MARCHF11: variants seen among roughly 807,000 people sequenced by gnomAD.
The protein encoded by MARCHF11 is membrane associated ring-CH-type finger 11, also known as E3 ubiquitin-protein ligase MARCHF11.
Under a neutral mutation model 37.3 loss-of-function variants are expected in MARCHF11, and 29 were observed. The observed-to-expected ratio is 0.78, with a 90% CI of 0.58 to 1.06. The LOEUF is 1.06. Among genes scored for constraint, MARCHF11 ranks in the 50% least tolerant of loss-of-function variants. The probability of loss-of-function intolerance (pLI) is 0.00; values close to 1 mark genes in which losing one functional copy is unlikely to be tolerated. For missense variants in MARCHF11, 482 were observed against 533.4 expected (o/e 0.90, Z 0.95); for synonymous variants, 233 against 228.0 (o/e 1.02, Z -0.20).
At chr5:16,102,015 C>T (rs142363969) in intron 2 of MARCHF11, among the ~76,000 whole-genome samples, 75 of 152,296 alleles carry the variant, frequency 4.9e-4, no homozygotes, top group African/African-American at 1.7e-3. Context: ...TGTGAATTGG[C>T]ACTGCTACCA....
chr5:16,138,232 C>T (rs1441743907), intron 2 of MARCHF11, among the ~76,000 whole-genome samples: 1 of 152,126 alleles, frequency 6.6e-6, no homozygotes, highest in Non-Finnish European at 1.5e-5. Context: ...AGCTCAGGGC[C>T]CCCTACTGTG....
intron 2 of MARCHF11, among the ~76,000 whole-genome samples, chr5:16,102,831 AG>A (rs1736980798): frequency 6.6e-6 from 1 of 152,172 alleles, no homozygotes; most frequent in Admixed American, 6.5e-5. Flanking sequence ...CAGGACCCAA[AG>A]GCACTTGCCC....
At chr5:16,151,884 T>C (rs922094428) in intron 2 of MARCHF11, among the ~76,000 whole-genome samples, 2 of 123,770 alleles carry the variant, frequency 1.6e-5, no homozygotes, top group Non-Finnish European at 3.0e-5. Flanking sequence ...TGTTGTTGTT[T>C]TGTCATTTGG....
At chr5:16,099,171 T>A (rs1449257167) in intron 2 of MARCHF11, among the ~76,000 whole-genome samples, 2 of 152,184 alleles carry the variant, frequency 1.3e-5, no homozygotes, top group Non-Finnish European at 2.9e-5. Context: ...AATGGAAATT[T>A]TTCAAGGAAG....
intron 2 of MARCHF11, among the ~76,000 whole-genome samples, chr5:16,149,676 G>C (rs1008892968): frequency 1.3e-5 from 2 of 152,058 alleles, no homozygotes; most frequent in African/African-American, 4.8e-5. Context: ...GCTTTGACCA[G>C]TGAAATGTCA....
At chr5:16,093,632 G>C (rs569817669) in intron 2 of MARCHF11, among the ~76,000 whole-genome samples, 4 of 152,294 alleles carry the variant, frequency 2.6e-5, no homozygotes, top group Middle Eastern at 3.4e-3. Flanking sequence ...TGAATGAAGG[G>C]AGAGGCTCAC....
At chr5:16,069,911 G>C (rs894588627) in intron 3 of MARCHF11, among the ~76,000 whole-genome samples, 2 of 152,088 alleles carry the variant, frequency 1.3e-5, no homozygotes, top group Non-Finnish European at 2.9e-5. Context: ...TTTTGCATTG[G>C]TCCCTTACCA....
intron 2 of MARCHF11, among the ~76,000 whole-genome samples, chr5:16,149,429 T>C (rs559547353): frequency 1.3e-5 from 2 of 152,254 alleles, no homozygotes; most frequent in East Asian, 3.9e-4. Context: ...TAAAGCTCAC[T>C]TACATTGCTG....
intron 2 of MARCHF11, among the ~76,000 whole-genome samples, chr5:16,098,965 TA>T (rs1186284968): frequency 2.0e-5 from 3 of 152,154 alleles, no homozygotes; most frequent in Non-Finnish European, 2.9e-5. Flanking sequence ...AGATTAGATT[TA>T]TTTTTTTAAA....
intron 2 of MARCHF11, among the ~76,000 whole-genome samples, chr5:16,167,700 C>T (rs189896333): frequency 3.2e-4 from 48 of 152,154 alleles, no homozygotes; most frequent in South Asian, 8.3e-4. Flanking sequence ...GCATCATTAA[C>T]GCAATCTATA....
intron 2 of MARCHF11, among the ~76,000 whole-genome samples, chr5:16,138,768 G>A (rs538943960): frequency 1.3e-5 from 2 of 152,356 alleles, no homozygotes; most frequent in African/African-American, 4.8e-5. Context: ...ACCTGGATAT[G>A]AGACATGGAG....
chr5:16,166,263 A>C (rs1738166847), intron 2 of MARCHF11, among the ~76,000 whole-genome samples: 1 of 152,042 alleles, frequency 6.6e-6, no homozygotes, highest in Admixed American at 6.6e-5. Flanking sequence ...TTTTAATTGG[A>C]GAATGATGTT....
chr5:16,158,454 A>G (rs1738015198), intron 2 of MARCHF11, among the ~76,000 whole-genome samples: 1 of 151,956 alleles, frequency 6.6e-6, no homozygotes, highest in African/African-American at 2.4e-5. Flanking sequence ...ACATGTATGA[A>G]CCTGAGGGAC....
intron 2 of MARCHF11, among the ~76,000 whole-genome samples, chr5:16,163,556 T>A (rs1160882246): frequency 6.6e-6 from 1 of 151,998 alleles, no homozygotes; most frequent in East Asian, 1.9e-4. Context: ...TCCAACTATA[T>A]GCTTTTTGTA....
chr5:16,156,886 A>T (rs1039683931), intron 2 of MARCHF11, among the ~76,000 whole-genome samples: 1 of 151,902 alleles, frequency 6.6e-6, no homozygotes, highest in Non-Finnish European at 1.5e-5. Context: ...AAAATAGAAA[A>T]GCTACAGTAA....
intron 2 of MARCHF11, among the ~76,000 whole-genome samples, chr5:16,135,442 A>G (rs1737592038): frequency 6.6e-6 from 1 of 152,208 alleles, no homozygotes; most frequent in Admixed American, 6.5e-5. Flanking sequence ...AACAAAATTG[A>G]ATAATTAAAC....
chr5:16,150,001 A>T (rs890512436), intron 2 of MARCHF11, among the ~76,000 whole-genome samples: 1 of 138,314 alleles, frequency 7.2e-6, no homozygotes, highest in Non-Finnish European at 1.5e-5. Flanking sequence ...ATCCATTTTG[A>T]TAGGAGTTAC....
At chr5:16,078,168 G>C (rs914544229) in intron 3 of MARCHF11, among the ~76,000 whole-genome samples, 1 of 152,160 alleles carries the variant, frequency 6.6e-6, no homozygotes, top group Admixed American at 6.5e-5. Flanking sequence ...TCATTACACA[G>C]GCTGTGGAGT....
chr5:16,134,101 C>T (rs1032519386), intron 2 of MARCHF11, among the ~76,000 whole-genome samples: 6 of 152,016 alleles, frequency 3.9e-5, no homozygotes, highest in East Asian at 1.9e-4. Context: ...TATATTAAGT[C>T]GAAACAAATT....
Sources: gnomAD v4.1 joint callset for allele counts (sites outside exome capture counted in the v4.1 genomes callset) on GRCh38, gnomAD v4.1.1 for gene constraint, MANE v1.5 for transcripts, NCBI Gene and HGNC (gene_info 2026-07-23, HGNC 2026-07-21) for gene names.